SPRY3: variants seen among roughly 807,000 people sequenced by gnomAD.
The protein encoded by SPRY3 is sprouty RTK signaling antagonist 3.
Under a neutral mutation model 20.2 loss-of-function variants are expected in SPRY3, and 15 were observed. The ratio of observed to expected loss-of-function variants is 0.74; its 90% CI spans 0.50 to 1.14. The LOEUF is 1.14. Ranked by LOEUF, SPRY3 falls within the 50% of genes most tolerant of loss-of-function variation. The pLI is 0.00. For synonymous variants in SPRY3, 143 were observed against 136.5 expected, an observed-to-expected ratio of 1.05 and a Z score of -0.33; for missense variants, 364 against 363.9, an observed-to-expected ratio of 1.00 and a Z score of 0.00.
chrX:155,643,894 A>T (rs1186218101), intron 1 of SPRY3, among the ~76,000 whole-genome samples: 1 of 111,898 alleles, frequency 8.9e-6, no homozygotes, highest in African/African-American at 3.2e-5. Flanking sequence ...TACTTAAGAT[A>T]GGACTTGTTT....
chrX:155,767,723 A>AGGC (rs1387644903), intron 2 of SPRY3: 191 of 71,872 alleles, frequency 2.7e-3, no homozygotes, highest in Non-Finnish European at 2.9e-3. Context: ...GAGGAGAAAG[A>AGGC]GGAGGAGGAG....
At chrX:155,734,237 C>T (rs2091153340) in intron 2 of SPRY3, among the ~76,000 whole-genome samples, 1 of 151,978 alleles carries the variant, frequency 6.6e-6, no homozygotes, top group South Asian at 2.1e-4. Context: ...CTTTTCCTTT[C>T]ATTTGAACAT....
intron 2 of SPRY3, among the ~76,000 whole-genome samples, chrX:155,711,592 T>C (rs2090986778): frequency 6.6e-6 from 1 of 151,718 alleles, no homozygotes; most frequent in African/African-American, 2.4e-5. Flanking sequence ...GTTTACCTTT[T>C]TTGAAAACCA....
downstream of SPRY3, chrX:155,779,225 T>G (rs2091449091): frequency 6.0e-6 from 1 of 167,066 alleles, no homozygotes; most frequent in Non-Finnish European, 1.5e-5. Flanking sequence ...ATTTCATGCT[T>G]CAGCAATAAT....
intron 2 of SPRY3, among the ~76,000 whole-genome samples, chrX:155,703,969 A>G (rs2090929694): frequency 1.3e-5 from 2 of 151,932 alleles, no homozygotes; most frequent in South Asian, 2.1e-4. Flanking sequence ...TCTCAAATTG[A>G]GCCTAACTAC....
At chrX:155,680,145 G>GGTGTGTGTGTGTGTGTGTGT (rs774435204) in intron 2 of SPRY3, among the ~76,000 whole-genome samples, 17 of 70,406 alleles carry the variant, frequency 2.4e-4, no homozygotes, top group East Asian at 1.4e-3. Flanking sequence ...AAGCAATGCT[G>GGTGTGTGTGTGTGTGTGTGT]GTGTGTGTGT....
At chrX:155,738,347 T>TA (rs36033271) in intron 2 of SPRY3, among the ~76,000 whole-genome samples, 46 of 150,776 alleles carry the variant, frequency 3.1e-4, no homozygotes, top group African/African-American at 9.2e-4. Flanking sequence ...AACTCAACAG[T>TA]AAAAAAAAAA....
At chrX:155,699,087 T>C (rs2068127890) in intron 2 of SPRY3, among the ~76,000 whole-genome samples, 1 of 111,839 alleles carries the variant, frequency 8.9e-6, no homozygotes, top group Non-Finnish European at 1.9e-5. Context: ...AAAAGAAATA[T>C]AAGACAAACA....
At chrX:155,618,861 C>T (rs2067862227) in intron 1 of SPRY3, among the ~76,000 whole-genome samples, 1 of 111,507 alleles carries the variant, frequency 9.0e-6, no homozygotes, top group Non-Finnish European at 1.9e-5. Flanking sequence ...AAGGTTTCTT[C>T]ATGTCTTTTG....
At chrX:155,686,767 T>C (rs953756615) in intron 2 of SPRY3, among the ~76,000 whole-genome samples, 2 of 112,373 alleles carry the variant, frequency 1.8e-5, no homozygotes, top group Non-Finnish European at 3.8e-5. Flanking sequence ...CTTGGAGCTA[T>C]ATCTGCATCC....
exon 4 of SPRY3, chrX:155,774,168 C>G (rs771209994): frequency 6.2e-7 from 1 of 1,613,990 alleles, no homozygotes; most frequent in Non-Finnish European, 8.5e-7. Flanking sequence ...ATCAAAGGCT[C>G]TTGGCCAGCA....
chrX:155,714,974 G>C (rs968828630), intron 2 of SPRY3, among the ~76,000 whole-genome samples: 1 of 152,076 alleles, frequency 6.6e-6, no homozygotes, highest in Non-Finnish European at 1.5e-5. Flanking sequence ...TTTCAGGGCA[G>C]TGAACTCCTC....
chrX:155,666,635 C>T (rs782103422), intron 2 of SPRY3, among the ~76,000 whole-genome samples: 107 of 111,609 alleles, frequency 9.6e-4, no homozygotes, highest in African/African-American at 3.2e-3. Context: ...ATCTATATTG[C>T]TAACAATGGT....
intron 2 of SPRY3, 133 bp from the exon 2 acceptor site, chrX:155,767,829 T>G (rs1432655147): frequency 2.0e-5 from 3 of 152,370 alleles, no homozygotes; most frequent in Admixed American, 1.3e-4. Context: ...AATACGTCCA[T>G]CAAGATTTAG....
intron 2 of SPRY3, among the ~76,000 whole-genome samples, chrX:155,731,018 A>C (rs1272868482): frequency 6.6e-6 from 1 of 152,014 alleles, no homozygotes; most frequent in Non-Finnish European, 1.5e-5. Context: ...AGGACATACA[A>C]AAAAAAGAAA....
intron 1 of SPRY3, among the ~76,000 whole-genome samples, chrX:155,638,641 G>A (rs1478287615): frequency 5.5e-5 from 6 of 109,878 alleles, no homozygotes; most frequent in African/African-American, 2.0e-4. Context: ...AGCTTGTCAA[G>A]TCGCAAAATA....
At chrX:155,777,343 C>CA (rs2091433734), downstream of SPRY3, 1 of 166,872 alleles carries the variant, frequency 6.0e-6, no homozygotes, top group Non-Finnish European at 1.5e-5. Flanking sequence ...CTTGATATCC[C>CA]AATCTTGCAG....
At chrX:155,650,581 A>T (rs2067973694) in intron 1 of SPRY3, among the ~76,000 whole-genome samples, 1 of 112,019 alleles carries the variant, frequency 8.9e-6, no homozygotes, top group African/African-American at 3.2e-5. Flanking sequence ...TATATATGTC[A>T]ATTAGATCAA....
At chrX:155,706,454 A>C (rs1026902698) in intron 2 of SPRY3, among the ~76,000 whole-genome samples, 2 of 151,112 alleles carry the variant, frequency 1.3e-5, no homozygotes, top group East Asian at 3.9e-4. Context: ...TAAGAAGTTC[A>C]AAATAAACCC....
Sources: allele counts gnomAD v4.1 joint callset (sites outside exome capture counted in the v4.1 genomes callset), GRCh38; gene constraint gnomAD v4.1.1; transcripts MANE v1.5; gene names NCBI Gene and HGNC (gene_info 2026-07-23, HGNC 2026-07-21).